Variants in CTNNA2 observed in about 807,000 individuals in gnomAD.
CTNNA2 encodes the protein catenin alpha 2.
Under a neutral mutation model 101.0 loss-of-function variants are expected in CTNNA2, and 42 were observed. The ratio of observed to expected loss-of-function variants is 0.42; its 90% CI spans 0.32 to 0.54. The LOEUF (loss-of-function observed/expected upper bound fraction) is 0.54. CTNNA2 is among the 20% of genes least tolerant of loss of function. The pLI is 0.14. For missense variants in CTNNA2, 871 were observed against 1,223.1 expected (o/e 0.71, Z 4.29); for synonymous variants, 450 against 456.4 (o/e 0.99, Z 0.18).
At chr2:79,327,518 T>G (rs1000787851) in intron 3 of CTNNA2, among the ~76,000 whole-genome samples, 1 of 152,208 alleles carries the variant, frequency 6.6e-6, no homozygotes, top group Non-Finnish European at 1.5e-5. Flanking sequence ...TTAATTTCAT[T>G]AGATATCCAA....
chr2:79,625,064 G>T (rs1163957810), intron 1 of CTNNA2, among the ~76,000 whole-genome samples: 2 of 152,164 alleles, frequency 1.3e-5, no homozygotes, highest in Non-Finnish European at 2.9e-5. Flanking sequence ...AGTCCAGAAG[G>T]ATTGGCATGA....
At chr2:80,354,171 G>T (rs1436565558) in intron 7 of CTNNA2, among the ~76,000 whole-genome samples, 20 of 152,056 alleles carry the variant, frequency 1.3e-4, no homozygotes, top group Admixed American at 1.3e-3. Context: ...CTAACTTCAG[G>T]AGTACTCCTA....
In CTNNA2 at chr2:79,338,585, T is replaced by TCTTCTTCTA. The variant is rs1451844291; in HGVS notation, c.-318+25797_-318+25798insACTTCTTCT. Among the ~76,000 whole-genome samples the TCTTCTTCTA allele has an allele frequency of 1.4e-3, 174 of 126,194 alleles. 1 individual carries two copies. Among genetic ancestry groups the TCTTCTTCTA allele is most frequent in the African/African-American group, 6.1e-3 (167 of 27,286 alleles). The allele number at this position is 126,194 out of a possible 152,430, so 82.8% of individuals were successfully genotyped here. A position where few individuals can be genotyped will look rare whatever the true frequency, so the allele number is the denominator to read the frequency against. On this transcript the variant is annotated intron_variant, in intron 3 of 21. Coordinates refer to the CTNNA2 transcript ENST00000466387. The stretch of plus-strand genomic sequence containing the variant: ...TTCTTCTTCCTCCTCATCATCTTCT[T>TCTTCTTCTA]CTTCTTCTTCTTCTTCTTCTTCTTC...
At chr2:79,814,454 C>A (rs57577926) in intron 3 of CTNNA2, among the ~76,000 whole-genome samples, 1 of 151,996 alleles carries the variant, frequency 6.6e-6, no homozygotes, top group Non-Finnish European at 1.5e-5. Flanking sequence ...CATAGCTTAG[C>A]TCCCACACAT....
At chr2:79,272,285 T>C (rs772443363) in intron 2 of CTNNA2, among the ~76,000 whole-genome samples, 1 of 151,988 alleles carries the variant, frequency 6.6e-6, no homozygotes, top group Non-Finnish European at 1.5e-5. Context: ...AGATTTCAGA[T>C]CTCTTCCTGA....
At chr2:80,356,863 G>A (rs1382884680) in intron 7 of CTNNA2, among the ~76,000 whole-genome samples, 1 of 152,190 alleles carries the variant, frequency 6.6e-6, no homozygotes. Flanking sequence ...GTGTATGGCT[G>A]AATCAAAATA....
At chr2:79,402,260 C>T (rs943995416) in intron 4 of CTNNA2, among the ~76,000 whole-genome samples, 1 of 151,702 alleles carries the variant, frequency 6.6e-6, no homozygotes, top group Non-Finnish European at 1.5e-5. Context: ...GGCAGAAGAT[C>T]AGCAAAGATG....
intron 7 of CTNNA2, among the ~76,000 whole-genome samples, chr2:80,350,729 A>T (rs1441803595): frequency 6.6e-6 from 1 of 152,196 alleles, no homozygotes; most frequent in East Asian, 1.9e-4. Context: ...CCTTGATTAT[A>T]TCTGGAAGAT....
intron 4 of CTNNA2, among the ~76,000 whole-genome samples, chr2:79,463,864 TC>T (rs1670904394): frequency 6.6e-6 from 1 of 152,128 alleles, no homozygotes; most frequent in Admixed American, 6.6e-5. Context: ...TCTCTTGCCC[TC>T]CAAATAACTT....
chr2:80,356,490 A>C (rs1673810997), intron 7 of CTNNA2, among the ~76,000 whole-genome samples: 1 of 152,120 alleles, frequency 6.6e-6, no homozygotes, highest in Admixed American at 6.5e-5. Flanking sequence ...ATCCAATAAT[A>C]AACATTTATT....
At chr2:79,992,976 CT>C (rs1399927516) in intron 7 of CTNNA2, among the ~76,000 whole-genome samples, 1 of 152,034 alleles carries the variant, frequency 6.6e-6, no homozygotes, top group Non-Finnish European at 1.5e-5. Context: ...CAAAATTTTG[CT>C]TTCATTACTT....
chr2:79,401,523 GT>G (rs1237998256), intron 4 of CTNNA2, among the ~76,000 whole-genome samples: 4 of 151,404 alleles, frequency 2.6e-5, no homozygotes, highest in Non-Finnish European at 5.9e-5. Context: ...TATAAATTAA[GT>G]TTTTATTAGT....
chr2:80,286,106 G>T (rs919594743), intron 7 of CTNNA2, among the ~76,000 whole-genome samples: 3 of 152,078 alleles, frequency 2.0e-5, no homozygotes, highest in Non-Finnish European at 4.4e-5. Context: ...CCACTTACCT[G>T]CTCATTGTCT....
At chr2:79,996,821 C>A (rs573531340) in intron 7 of CTNNA2, among the ~76,000 whole-genome samples, 3 of 152,208 alleles carry the variant, frequency 2.0e-5, no homozygotes, top group Admixed American at 1.3e-4. Context: ...GATAGGAAAC[C>A]TGCTCAGAAA....
intron 7 of CTNNA2, among the ~76,000 whole-genome samples, chr2:80,033,972 T>TA (rs70940069): frequency 0.18 from 15,041 of 84,118 alleles, 1,375 homozygotes; most frequent in Middle Eastern, 0.35. Context: ...GCTTATAATG[T>TA]AAAAAAAAAA....
chr2:79,186,942 C>G (rs1348033287), intron 1 of CTNNA2, among the ~76,000 whole-genome samples: 1 of 152,218 alleles, frequency 6.6e-6, no homozygotes, highest in Non-Finnish European at 1.5e-5. Context: ...GTGTCCACCA[C>G]AGTTTTCCTG....
chr2:80,524,590 A>G, intron 9 of CTNNA2, among the ~76,000 whole-genome samples: 1 of 152,092 alleles, frequency 6.6e-6, no homozygotes, highest in South Asian at 2.1e-4. Flanking sequence ...CTACTTGCCA[A>G]TCTCCAAATA....
Position 79,650,905 on chromosome 2 carries a change from C to G in CTNNA2, c.-5-647C>G, listed in dbSNP as rs543001112. 3.3e-5 allele frequency among the ~76,000 whole-genome samples: 5 copies of G among 150,804 alleles called. No homozygotes were observed. In the South Asian group the frequency reaches 1.0e-3, roughly 32 times the overall value. On this transcript the variant is annotated intron_variant, in intron 1 of 18. Transcript: ENST00000402739. Reference sequence around the variant, plus strand: ...TGCGGTGTGTGGTTTTTTGTTCTTGCAATAGTTTACTGAGAATGATGATTT... The same window carrying G: ...TGCGGTGTGTGGTTTTTTGTTCTTGGAATAGTTTACTGAGAATGATGATTT...
intron 4 of CTNNA2, among the ~76,000 whole-genome samples, chr2:79,457,461 G>T (rs992367162): frequency 2.0e-5 from 3 of 152,062 alleles, no homozygotes; most frequent in African/African-American, 7.2e-5. Flanking sequence ...AACATGAAAG[G>T]AAAATGATTA....
Sources: gnomAD v4.1 joint callset for allele counts (sites outside exome capture counted in the v4.1 genomes callset) on GRCh38, gnomAD v4.1.1 for gene constraint, MANE v1.5 for transcripts, NCBI Gene and HGNC (gene_info 2026-07-23, HGNC 2026-07-21) for gene names.